Variants in DOCK9 observed in about 807,000 individuals in gnomAD.
The protein encoded by DOCK9 is dedicator of cytokinesis protein 9.
In DOCK9, 89 loss-of-function variants were observed where a neutral mutation model predicts 263.3. The observed-to-expected ratio is 0.34, with a 90% CI of 0.28 to 0.40. The LOEUF is 0.40. Among genes scored for constraint, DOCK9 ranks in the 10% least tolerant of loss-of-function variants. The pLI is 1.00. For synonymous variants in DOCK9, 976 were observed against 973.1 expected, an observed-to-expected ratio of 1.00 and a Z score of -0.06; for missense variants, 2,140 against 2,603.4, an observed-to-expected ratio of 0.82 and a Z score of 3.87.
chr13:99,035,566 A>C (rs1040724116), intron 1 of DOCK9, among the ~76,000 whole-genome samples: 27 of 152,202 alleles, frequency 1.8e-4, no homozygotes, highest in African/African-American at 6.5e-4. Flanking sequence ...TTCTGCTACA[A>C]GGAAGTACTA....
At chr13:98,827,521 C>T (rs1001822185) in intron 43 of DOCK9, among the ~76,000 whole-genome samples, 2 of 152,250 alleles carry the variant, frequency 1.3e-5, no homozygotes, top group African/African-American at 4.8e-5. Flanking sequence ...CTGTGCCTGT[C>T]AGCGGGGTGA....
upstream of DOCK9, among the ~76,000 whole-genome samples, chr13:98,982,684 T>C (rs1395500737): frequency 6.6e-6 from 1 of 152,184 alleles, no homozygotes; most frequent in Non-Finnish European, 1.5e-5. Context: ...AATGGTGTAT[T>C]TGTAAAAATA....
chr13:98,841,063 G>A (rs944272358), intron 38 of DOCK9, among the ~76,000 whole-genome samples: 1 of 152,084 alleles, frequency 6.6e-6, no homozygotes, highest in African/African-American at 2.4e-5. Context: ...AATTTTTATT[G>A]CTAAAGAGGT....
chr13:98,831,856 C>A, intron 39 of DOCK9, 70 bp from the exon 40 acceptor site: 9 of 1,543,056 alleles, frequency 5.8e-6, no homozygotes, highest in Non-Finnish European at 7.9e-6. Context: ...CAATTTCAGG[C>A]TCAAGAATTA....
intron 30 of DOCK9, among the ~76,000 whole-genome samples, chr13:98,864,987 CT>C (rs2142000326): frequency 6.6e-6 from 1 of 152,308 alleles, no homozygotes; most frequent in African/African-American, 2.4e-5. Context: ...TTCCTGAGGC[CT>C]CACCAGAAGC....
intron 1 of DOCK9, among the ~76,000 whole-genome samples, chr13:98,999,823 C>G (rs1675397871): frequency 6.6e-6 from 1 of 152,096 alleles, no homozygotes; most frequent in African/African-American, 2.4e-5. Flanking sequence ...TGGACAGAAG[C>G]CTGTATCCTT....
intron 1 of DOCK9, among the ~76,000 whole-genome samples, chr13:99,013,589 C>T (rs1271410356): frequency 6.6e-6 from 1 of 152,126 alleles, no homozygotes; most frequent in East Asian, 1.9e-4. Context: ...CAGGGGGTCA[C>T]AGGAGCCTCA....
intron 2 of DOCK9, among the ~76,000 whole-genome samples, chr13:98,953,382 C>T (rs1209404169): frequency 6.6e-6 from 1 of 152,226 alleles, no homozygotes; most frequent in African/African-American, 2.4e-5. Flanking sequence ...AAAGGGGACA[C>T]AGAAGTTTTC....
At chr13:98,910,324 T>G (rs2049802466) in intron 9 of DOCK9, among the ~76,000 whole-genome samples, 1 of 152,204 alleles carries the variant, frequency 6.6e-6, no homozygotes, top group Non-Finnish European at 1.5e-5. Context: ...TGCTACACAC[T>G]GTTACATTTA....
chr13:98,849,528 T>G (rs919255006), intron 36 of DOCK9, among the ~76,000 whole-genome samples: 1 of 152,116 alleles, frequency 6.6e-6, no homozygotes. Context: ...GTTCTGAATT[T>G]GGAAAATCAT....
Position 98,853,560 on chromosome 13 carries a change from C to T in DOCK9, c.3832-38G>A, listed in dbSNP as rs762692816. On this transcript the variant is annotated intron_variant, in intron 34 of 52. Coordinates refer to ENST00000682017, the MANE Select transcript of DOCK9 (RefSeq NM_001366683.2). ...TACAGGTGATTTTTCTATTTAATTACGGGAGGAAAACGTGTTTCCCTTTTC... is the reference window on the plus strand; with the variant it reads ...TACAGGTGATTTTTCTATTTAATTATGGGAGGAAAACGTGTTTCCCTTTTC... 9 of 1,439,286 alleles carry T rather than the reference C, an allele frequency of 6.3e-6. No individual in the cohort carries two copies. The South Asian group carries it at 7.0e-5, about 11-fold the overall frequency. The allele number at this position is 1,439,286 out of a possible 1,614,324, so 89.2% of individuals were successfully genotyped here.
chr13:98,862,953 T>C, intron 32 of DOCK9, 66 bp downstream of exon 32: 2 of 1,391,244 alleles, frequency 1.4e-6, no homozygotes, highest in Non-Finnish European at 2.0e-6. Context: ...ACCCAGCTTA[T>C]GGCGCTTTGT....
intron 1 of DOCK9, among the ~76,000 whole-genome samples, chr13:99,050,653 C>A (rs2040648828): frequency 6.6e-6 from 1 of 152,070 alleles, no homozygotes; most frequent in Non-Finnish European, 1.5e-5. Flanking sequence ...TTGCACCACT[C>A]CACTCCAGCC....
chr13:98,883,817 G>C lies in DOCK9; in HGVS notation c.2465C>G (p.Thr822Ser), dbSNP rs1389053688. The C allele has an allele frequency of 1.2e-6, 2 of 1,608,304 alleles. No homozygotes were observed. The highest frequency in any genetic ancestry group is 1.3e-5 in the African/African-American group (1 of 74,838). ...TTTTGTTGAAGGAGCACATACCTGA[G>C]TATACACTGTAGAAACCAGATGAGT... ...ISTHLVSTVY[T>S]QDQHLHNFFQ... Residue 822 changes from threonine (T) to serine (S), a missense_variant, in exon 22 of 53, where the codon ACT becomes AGT. Physicochemically the swap from Thr to Ser is moderately conservative, Grantham distance 58 (BLOSUM62 1). Around this residue, in one of 2 missense-constraint regions of DOCK9, gnomAD observed 1,521 missense variants for 1,741.7 expected, o/e 0.87. Transcript: ENST00000682017.
intron 9 of DOCK9, 90 bp from the exon 10 acceptor site, chr13:98,904,796 G>T: frequency 8.8e-7 from 1 of 1,134,742 alleles, no homozygotes; most frequent in Non-Finnish European, 1.2e-6. Flanking sequence ...CAGTCCTGAA[G>T]GTTGAGGCTG....
At chr13:98,796,141 T>C in intron 52 of DOCK9, 1 of 1,311,986 alleles carries the variant, frequency 7.6e-7, no homozygotes, top group Non-Finnish European at 1.1e-6. Flanking sequence ...TTGCTCAAAC[T>C]CAAAAAAGTA....
At chr13:98,813,769 A>T (rs2091546983) in intron 45 of DOCK9, among the ~76,000 whole-genome samples, 1 of 151,922 alleles carries the variant, frequency 6.6e-6, no homozygotes, top group African/African-American at 2.4e-5. Flanking sequence ...CCTCCCAAGT[A>T]GCTGGGATTA....
rs2058992609 is a variant in DOCK9 at position 98,964,423 on chromosome 13, A to G, written c.127-8872T>C. 2.0e-5 allele frequency among the ~76,000 whole-genome samples: 3 copies of G among 152,226 alleles called. No individual in the cohort carries two copies. The South Asian group carries it at 6.2e-4, about 32-fold the overall frequency. On this transcript the variant is annotated intron_variant, in intron 1 of 52. Transcript: ENST00000682017. ...CTGGAGCTGATCAATGAGTTGAACA[A>G]GCCAGCCAGGATTCAGGGCAGATTG... is the stretch of plus-strand genomic sequence containing the variant.
chr13:98,929,453 G>A (rs563790809), intron 3 of DOCK9, among the ~76,000 whole-genome samples: 1 of 152,234 alleles, frequency 6.6e-6, no homozygotes, highest in East Asian at 1.9e-4. Context: ...TGAGGCAGGA[G>A]AACCACTTGA....
Sources: gnomAD v4.1 joint callset for allele counts (sites outside exome capture counted in the v4.1 genomes callset) on GRCh38, gnomAD v4.1.1 for gene constraint, gnomAD v4.1.1 regional missense constraint, MANE v1.5 for transcripts, NCBI Gene and HGNC (gene_info 2026-07-23, HGNC 2026-07-21) for gene names.